Variants in CRTC1 observed in about 807,000 individuals in gnomAD.
CRTC1 encodes CREB regulated transcription coactivator 1, also known as CREB-regulated transcription coactivator 1.
Under a neutral mutation model 66.1 loss-of-function variants are expected in CRTC1, and 18 were observed. That is an observed-to-expected ratio of 0.27 (90% CI 0.19 to 0.40). The LOEUF (loss-of-function observed/expected upper bound fraction) is 0.40, where lower values mean the gene tolerates loss of function less well. Among genes scored for constraint, CRTC1 ranks in the 10% least tolerant of loss-of-function variants. The pLI is 1.00. For missense variants in CRTC1, 669 were observed against 887.9 expected (o/e 0.75, Z 3.13); for synonymous variants, 416 against 398.8 (o/e 1.04, Z -0.51).
chr19:18,729,113 G>A (rs1239348399), intron 1 of CRTC1, among the ~76,000 whole-genome samples: 6 of 138,894 alleles, frequency 4.3e-5, no homozygotes, highest in Non-Finnish European at 7.9e-5. Context: ...GCACCTGCCC[G>A]CCTTGTTTTC....
At chr19:18,711,359 C>T (rs983170466) in intron 1 of CRTC1, among the ~76,000 whole-genome samples, 7 of 152,112 alleles carry the variant, frequency 4.6e-5, no homozygotes, top group South Asian at 4.2e-4. Flanking sequence ...ATGAGGGCAC[C>T]GATCCTGCGC....
intron 1 of CRTC1, among the ~76,000 whole-genome samples, chr19:18,711,712 C>T (rs1346790356): frequency 2.6e-5 from 4 of 151,928 alleles, no homozygotes; most frequent in African/African-American, 4.8e-5. Context: ...TTCCCGGCTG[C>T]GTTGGGAGGG....
chr19:18,684,579 G>A (rs1483748280), intron 1 of CRTC1, among the ~76,000 whole-genome samples: 1 of 152,114 alleles, frequency 6.6e-6, no homozygotes, highest in Non-Finnish European at 1.5e-5. Flanking sequence ...CCTGGAACTT[G>A]GAGTGGAGAC....
intron 8 of CRTC1, among the ~76,000 whole-genome samples, chr19:18,761,443 T>C (rs2054612669): frequency 6.6e-6 from 1 of 152,206 alleles, no homozygotes; most frequent in South Asian, 2.1e-4. Flanking sequence ...TGCTGTGCTC[T>C]GTCTTGCCCC....
At chr19:18,743,767 G>T (rs963749463) in intron 2 of CRTC1, among the ~76,000 whole-genome samples, 2 of 152,250 alleles carry the variant, frequency 1.3e-5, no homozygotes, top group African/African-American at 2.4e-5. Flanking sequence ...GCTGGACAGG[G>T]CAGGGATCCT....
At chr19:18,732,566 G>A (rs555095853) in intron 1 of CRTC1, among the ~76,000 whole-genome samples, 1 of 152,328 alleles carries the variant, frequency 6.6e-6, no homozygotes, top group Non-Finnish European at 1.5e-5. Context: ...TATTTTGGAT[G>A]CAGGGATTGG....
At chr19:18,775,318 C>T (rs1327569249) in intron 12 of CRTC1, among the ~76,000 whole-genome samples, 2 of 152,246 alleles carry the variant, frequency 1.3e-5, no homozygotes, top group Non-Finnish European at 2.9e-5. Context: ...CGGCATGGAC[C>T]GTGCACGCGG....
At chr19:18,762,720 T>A (rs1281250315) in intron 8 of CRTC1, among the ~76,000 whole-genome samples, 1 of 152,240 alleles carries the variant, frequency 6.6e-6, no homozygotes, top group Admixed American at 6.5e-5. Context: ...GCTCTGTGCC[T>A]GTTCCCAAAG....
intron 6 of CRTC1, among the ~76,000 whole-genome samples, chr19:18,757,595 C>T (rs562295096): frequency 7.2e-5 from 11 of 152,138 alleles, no homozygotes; most frequent in East Asian, 1.9e-4. Flanking sequence ...TACTTCAGTC[C>T]GGGTGCCATG....
At chr19:18,696,236 C>T (rs1442140822) in intron 1 of CRTC1, among the ~76,000 whole-genome samples, 2 of 152,038 alleles carry the variant, frequency 1.3e-5, no homozygotes, top group Admixed American at 6.5e-5. Context: ...TGGGAGTTGG[C>T]CGGCTGGTCA....
At chr19:18,691,740 G>A (rs990443542) in intron 1 of CRTC1, among the ~76,000 whole-genome samples, 1 of 151,820 alleles carries the variant, frequency 6.6e-6, no homozygotes, top group African/African-American at 2.4e-5. Context: ...TTGAGATGGA[G>A]TCTCACTCTG....
At chr19:18,744,090 G>A (rs752305069) in intron 2 of CRTC1, 15 of 1,612,822 alleles carry the variant, frequency 9.3e-6, no homozygotes, top group Admixed American at 3.3e-5. Flanking sequence ...TCAAAGTCTC[G>A]GTTCTTTGCA....
chr19:18,747,328 C>CAA (rs199625555), intron 4 of CRTC1, among the ~76,000 whole-genome samples: 3 of 150,774 alleles, frequency 2.0e-5, no homozygotes, highest in Admixed American at 2.0e-4. Context: ...CCACTTATGA[C>CAA]AAAAAAAAAG....
intron 12 of CRTC1, 42 bp downstream of exon 12, chr19:18,775,028 C>A: frequency 6.4e-7 from 1 of 1,574,450 alleles, no homozygotes; most frequent in Non-Finnish European, 8.6e-7. Context: ...GTGCCCAGGA[C>A]AGATGCTTGC....
intron 1 of CRTC1, among the ~76,000 whole-genome samples, chr19:18,703,367 T>C (rs10409207): frequency 0.037 from 5,682 of 152,246 alleles, 374 homozygotes; most frequent in African/African-American, 0.13. Context: ...GACTCCAGAC[T>C]GTGTTTGGAT....
At chr19:18,722,975 C>G (rs1006123097) in intron 1 of CRTC1, among the ~76,000 whole-genome samples, 1 of 152,040 alleles carries the variant, frequency 6.6e-6, no homozygotes. Flanking sequence ...GGGTCTTGCT[C>G]TCTTGCCCAG....
chr19:18,719,310 A>T (rs928169767), intron 1 of CRTC1, among the ~76,000 whole-genome samples: 1 of 152,160 alleles, frequency 6.6e-6, no homozygotes, highest in African/African-American at 2.4e-5. Context: ...ATGGTGAGAC[A>T]GGCAAGGGCT....
At position 18,771,483 on chromosome 19, in the gene CRTC1, G is replaced by A. The variant is rs770995834; in HGVS notation, c.1362G>A (p.Pro454=). The A allele has an allele frequency of 2.9e-5, 46 of 1,613,448 alleles. No individual in the cohort carries two copies. In the Admixed American group the frequency reaches 5.3e-4, roughly 19 times the overall value. Residue 454 remains proline, a synonymous_variant, in exon 11 of 14, where the codon CCG becomes CCA. Coordinates refer to ENST00000321949, the MANE Select transcript of CRTC1 (RefSeq NM_015321.3). The surrounding 1 kb of genome is among the most constrained non-coding windows in gnomAD (Gnocchi z 4.6). ...AGTACCGCACTAGCGCCGGCTCCCC[G>A]GCCAACCAGTCTCCCACCTCGCCAG... The part of the protein sequence containing the change: ...LQQYRTSAGS[P]ANQSPTSPVS...
At chr19:18,759,933 C>CCCGCCAGCCCCCTGTCCACG in intron 7 of CRTC1, 75 bp from the exon 8 acceptor site, 2 of 991,354 alleles carry the variant, frequency 2.0e-6, no homozygotes, top group Non-Finnish European at 2.8e-6. Flanking sequence ...CTGATTTTCT[C>CCCGCCAGCCCCCTGTCCACG]CCGCCAGCCC....
Sources: allele counts gnomAD v4.1 joint callset (sites outside exome capture counted in the v4.1 genomes callset), GRCh38; gene constraint gnomAD v4.1.1; non-coding constraint Gnocchi (gnomAD v3.1); transcripts MANE v1.5; gene names NCBI Gene and HGNC (gene_info 2026-07-23, HGNC 2026-07-21).